Variants in CNTNAP2 observed in about 807,000 individuals in gnomAD.
CNTNAP2 encodes the protein contactin-associated protein-like 2.
CNTNAP2 carries 98 observed loss-of-function variants against 155.2 expected under a neutral mutation model. That is an observed-to-expected ratio of 0.63 (90% CI 0.54 to 0.75). The LOEUF is 0.75. Ranked by LOEUF, CNTNAP2 falls within the 30% of genes least tolerant of loss-of-function variation. The pLI, the probability that CNTNAP2 is intolerant of heterozygous loss-of-function variation, is 0.00. For missense variants in CNTNAP2, 1,727 were observed against 1,688.1 expected, an observed-to-expected ratio of 1.02 and a Z score of -0.40; for synonymous variants, 651 against 631.2, an observed-to-expected ratio of 1.03 and a Z score of -0.47.
intron 3 of CNTNAP2, among the ~76,000 whole-genome samples, chr7:146,842,739 G>A (rs1803756389): frequency 6.6e-6 from 1 of 152,042 alleles, no homozygotes; most frequent in Non-Finnish European, 1.5e-5. Flanking sequence ...AGGCTGGAGT[G>A]CAGTGACGCG....
intron 10 of CNTNAP2, among the ~76,000 whole-genome samples, chr7:147,431,143 T>C (rs904892774): frequency 6.6e-6 from 1 of 152,170 alleles, no homozygotes; most frequent in African/African-American, 2.4e-5. Context: ...ACTGGCTTGT[T>C]GAATTCATGA....
chr7:148,288,440 A>C (rs753976431), intron 21 of CNTNAP2, among the ~76,000 whole-genome samples: 34 of 152,072 alleles, frequency 2.2e-4, no homozygotes, highest in Non-Finnish European at 4.4e-4. Flanking sequence ...CATCATAGGG[A>C]CCCACCGCGA....
chr7:148,193,011 G>T (rs1057117788), intron 18 of CNTNAP2, among the ~76,000 whole-genome samples: 2 of 151,910 alleles, frequency 1.3e-5, no homozygotes, highest in Admixed American at 1.3e-4. Context: ...TAACTTATTT[G>T]TTCTCTTTTT....
chr7:146,727,586 G>T (rs951808028), intron 1 of CNTNAP2, among the ~76,000 whole-genome samples: 2 of 152,072 alleles, frequency 1.3e-5, no homozygotes, highest in Non-Finnish European at 2.9e-5. Context: ...TGTGATTCAC[G>T]TACATGTTTC....
intron 1 of CNTNAP2, among the ~76,000 whole-genome samples, chr7:146,207,950 G>A (rs1449441503): frequency 1.3e-5 from 2 of 151,884 alleles, no homozygotes; most frequent in African/African-American, 4.8e-5. Context: ...CAAAATTTTA[G>A]TATATTTCCT....
chr7:147,972,796 G>A (rs777400416), intron 14 of CNTNAP2, among the ~76,000 whole-genome samples: 2 of 148,922 alleles, frequency 1.3e-5, no homozygotes, highest in Admixed American at 6.6e-5. Context: ...TGTAAGGATC[G>A]TAACTTTCAA....
intron 4 of CNTNAP2, among the ~76,000 whole-genome samples, chr7:147,086,292 G>T (rs1274010460): frequency 6.6e-6 from 1 of 151,916 alleles, no homozygotes; most frequent in Non-Finnish European, 1.5e-5. Flanking sequence ...ACAAAAATAT[G>T]AAACAAAGAA....
intron 15 of CNTNAP2, among the ~76,000 whole-genome samples, chr7:147,997,514 C>T (rs1380442102): frequency 3.3e-5 from 5 of 151,260 alleles, no homozygotes; most frequent in African/African-American, 1.2e-4. Context: ...CGAGATCACG[C>T]CATTGCACTC....
chr7:147,667,831 AAT>A lies in CNTNAP2; in HGVS notation c.2098+28527_2098+28528del, dbSNP rs1245913937. Among the ~76,000 whole-genome samples, 1,343 of 148,490 alleles carry A rather than the reference AAT, an allele frequency of 9.0e-3. 20 individuals are homozygous for A. The highest frequency in any genetic ancestry group is 0.035 in the Middle Eastern group (10 of 286). On this transcript the variant is annotated intron_variant, in intron 13 of 23. Transcript: ENST00000361727. ...AATAATAAAAAAAATAAAATAAAAA[AAT>A]AAAAGATACCAATGCAATTCTGGAA...
At chr7:146,906,166 C>T (rs867627637) in intron 3 of CNTNAP2, among the ~76,000 whole-genome samples, 14 of 152,194 alleles carry the variant, frequency 9.2e-5, no homozygotes, top group Admixed American at 2.6e-4. Flanking sequence ...CACGGAGTCT[C>T]GCTGATTGCT....
intron 12 of CNTNAP2, among the ~76,000 whole-genome samples, chr7:147,578,360 A>G (rs1015067871): frequency 1.3e-5 from 2 of 152,110 alleles, no homozygotes; most frequent in African/African-American, 4.8e-5. Context: ...AGGGCTTGTC[A>G]TGGCCACACT....
chr7:147,118,818 G>A (rs73471030), intron 5 of CNTNAP2, among the ~76,000 whole-genome samples: 4,747 of 152,222 alleles, frequency 0.031, 224 homozygotes, highest in African/African-American at 0.1. Context: ...GAAGCCCATC[G>A]TTGAAAGAAA....
At chr7:146,638,878 G>C (rs1799657797) in intron 1 of CNTNAP2, among the ~76,000 whole-genome samples, 1 of 152,122 alleles carries the variant, frequency 6.6e-6, no homozygotes, top group Admixed American at 6.6e-5. Flanking sequence ...CCAAAACCTA[G>C]ATGGCGGATC....
chr7:147,339,410 G>A (rs1324806128), intron 9 of CNTNAP2, among the ~76,000 whole-genome samples: 1 of 151,974 alleles, frequency 6.6e-6, no homozygotes, highest in Non-Finnish European at 1.5e-5. Context: ...TGAACTCTTT[G>A]TGTATGTCAG....
chr7:147,328,234 G>A (rs1483486986), intron 9 of CNTNAP2, among the ~76,000 whole-genome samples: 1 of 152,098 alleles, frequency 6.6e-6, no homozygotes, highest in Non-Finnish European at 1.5e-5. Context: ...AAAAGAAACT[G>A]GAATCCACGA....
rs1454289295 is a variant in CNTNAP2, at chr7:148,163,267, T to A, written c.2774-8975T>A. Among the ~76,000 whole-genome samples, 4 of 152,336 alleles carry A rather than the reference T, an allele frequency of 2.6e-5. No individual in the cohort carries two copies. In the East Asian group the frequency reaches 7.7e-4, roughly 29 times the overall value. ...ATGACAGCAAATGAATTAACTCTCT[T>A]ATTCTCAGTTCACTCGTCTGTAAAA... On this transcript the variant is annotated intron_variant, in intron 17 of 23. Coordinates refer to ENST00000361727, the MANE Select transcript of CNTNAP2 (RefSeq NM_014141.6).
At chr7:146,244,854 G>A (rs941035556) in intron 1 of CNTNAP2, among the ~76,000 whole-genome samples, 12 of 152,110 alleles carry the variant, frequency 7.9e-5, no homozygotes, top group Non-Finnish European at 1.3e-4. Context: ...AGGCTAAGAG[G>A]TATTTTAGTT....
At chr7:147,905,569 G>A (rs1031943059) in intron 14 of CNTNAP2, among the ~76,000 whole-genome samples, 5 of 152,224 alleles carry the variant, frequency 3.3e-5, no homozygotes, top group African/African-American at 1.2e-4. Context: ...TGAGGAAGGT[G>A]TGTGCAAGAT....
chr7:148,416,307 C>G lies in CNTNAP2; in HGVS notation c.*691C>G, dbSNP rs568685124. ...CAACTGGAGAGAGGCATTAAAGAACCAGGGAAGGTAGTTTGATTTTTCATT... is the reference window on the plus strand; with the variant it reads ...CAACTGGAGAGAGGCATTAAAGAACGAGGGAAGGTAGTTTGATTTTTCATT... On this transcript the variant is annotated 3_prime_UTR_variant, in exon 24 of 24. Transcript: ENST00000361727. 2 of 152,366 alleles carry G rather than the reference C, an allele frequency of 1.3e-5. No individual in the cohort carries two copies. Among genetic ancestry groups the G allele is most frequent in the South Asian group, 4.1e-4 (2 of 4,820 alleles). The allele number at this position is 152,366 out of a possible 1,614,324, so 9.4% of individuals were successfully genotyped here. A position where few individuals can be genotyped will look rare whatever the true frequency, so the allele number is the denominator to read the frequency against.
Sources: gnomAD v4.1 joint callset for allele counts (sites outside exome capture counted in the v4.1 genomes callset) on GRCh38, gnomAD v4.1.1 for gene constraint, MANE v1.5 for transcripts, NCBI Gene and HGNC (gene_info 2026-07-23, HGNC 2026-07-21) for gene names.